Variants in RETSAT observed in about 807,000 individuals in gnomAD.
RETSAT encodes all-trans-retinol 13,14-reductase.
RETSAT carries 35 observed loss-of-function variants against 61.6 expected under a neutral mutation model. The ratio of observed to expected loss-of-function variants is 0.57; its 90% CI spans 0.43 to 0.75. The LOEUF (loss-of-function observed/expected upper bound fraction) is 0.75. Among genes scored for constraint, RETSAT ranks in the 30% least tolerant of loss-of-function variants. RETSAT has a pLI of 0.00. For synonymous variants in RETSAT, 277 were observed against 310.4 expected (o/e 0.89, Z 1.13); for missense variants, 670 against 759.5 (o/e 0.88, Z 1.38).
rs115102182 is a variant in RETSAT at position 85,344,227 on chromosome 2, G to A, written c.1366+12C>T. ...CTCCCTCCACCCCCTCACCCGGGAC[G>A]TGCAGCCCCACCTGGGAATCGGTCC... On this transcript the variant is annotated intron_variant, in intron 8 of 10. Transcript: ENST00000295802. The A allele has an allele frequency of 9.3e-6, 15 of 1,614,086 alleles. No individual in the cohort carries two copies. In the African/African-American group the frequency reaches 1.6e-4, roughly 17 times the overall value.
rs7600799 is a variant in RETSAT at position 85,343,150 on chromosome 2, G to A, written c.*92C>T. On this transcript the variant is annotated 3_prime_UTR_variant, in exon 11 of 11. Transcript: ENST00000295802. ...AGAACCAAATTAGAGTGCTTTATAC[G>A]TGCAAGGAACTAATGCAGAAAGACA... is the stretch of plus-strand genomic sequence containing the variant. 118,854 of 1,531,810 alleles carry A rather than the reference G, an allele frequency of 0.078. 5,795 individuals carry two copies. The highest frequency in any genetic ancestry group is 0.22 in the African/African-American group (15,631 of 72,350). The allele number at this position is 1,531,810 out of a possible 1,614,324, so 94.9% of individuals were successfully genotyped here.
rs771132296 is a variant in RETSAT, at chr2:85,344,226, C to T, written c.1366+13G>A. Reference sequence around the variant, plus strand: ...TCTCCCTCCACCCCCTCACCCGGGACGTGCAGCCCCACCTGGGAATCGGTC... The same window carrying T: ...TCTCCCTCCACCCCCTCACCCGGGATGTGCAGCCCCACCTGGGAATCGGTC... On this transcript the variant is annotated intron_variant, in intron 8 of 10. Transcript: ENST00000295802. The T allele has an allele frequency of 1.1e-5, 18 of 1,613,996 alleles. No individual in the cohort carries two copies. The highest frequency in any genetic ancestry group is 3.3e-5 in the South Asian group (3 of 91,080).
At chr2:85,349,322 C>G in intron 5 of RETSAT, 62 bp downstream of exon 5, 1 of 1,536,328 alleles carries the variant, frequency 6.5e-7, no homozygotes, top group Non-Finnish European at 9.0e-7. Flanking sequence ...CTCAGGGAGA[C>G]CCCAGGTCTC....
Position 85,354,525 on chromosome 2 carries a change from G to A in RETSAT, c.-18C>T. On this transcript the variant is annotated 5_prime_UTR_variant, in exon 1 of 11. Transcript: ENST00000295802. Reference sequence around the variant, plus strand: ...AGCCACATCACGCCGGCGTCGGGTCGGGTAAATGGGACAGCTCCGACTGCG... The same window carrying A: ...AGCCACATCACGCCGGCGTCGGGTCAGGTAAATGGGACAGCTCCGACTGCG... 2 of 1,595,048 alleles carry A rather than the reference G, an allele frequency of 1.3e-6. No individual in the cohort carries two copies. The highest frequency in any genetic ancestry group is 1.7e-6 in the Non-Finnish European group (2 of 1,170,884).
In RETSAT at chr2:85,343,184, A is replaced by G; in HGVS notation, c.*58T>C. ...ACTAATGCAGAAAGACATTATGGGT[A>G]AGTCAAGGGAGATGCCCCAGCCATT... is the stretch of plus-strand genomic sequence containing the variant. On this transcript the variant is annotated 3_prime_UTR_variant, in exon 11 of 11. Coordinates refer to ENST00000295802, the MANE Select transcript of RETSAT (RefSeq NM_017750.4). The G allele has an allele frequency of 1.3e-6, 2 of 1,595,182 alleles. No individual in the cohort carries two copies. Among genetic ancestry groups the G allele is most frequent in the Non-Finnish European group, 1.7e-6 (2 of 1,166,864 alleles).
In RETSAT at chr2:85,345,140, C is replaced by T. The variant is rs569701558; in HGVS notation, c.1118-408G>A. ...CTCTGCCCCTGGGCCATCTCTGCCT[C>T]ACCCCTTCAGCTCCTGAGAGTCTGA... On this transcript the variant is annotated intron_variant, in intron 6 of 10. Transcript: ENST00000295802. Among the ~76,000 whole-genome samples the T allele has an allele frequency of 2.0e-5, 3 of 152,312 alleles. No individual in the cohort carries two copies. In the East Asian group the frequency reaches 5.8e-4, roughly 29 times the overall value.
In RETSAT at chr2:85,344,816, G is replaced by C. The variant is rs1683162165; in HGVS notation, c.1118-84C>G. On this transcript the variant is annotated intron_variant, in intron 6 of 10. Transcript: ENST00000295802. ...CTCCCAGGAGAGCCTTGGGGTGCCAGCTCTGGCACCTGCCTGAGGCATGCC... is the reference window on the plus strand; with the variant it reads ...CTCCCAGGAGAGCCTTGGGGTGCCACCTCTGGCACCTGCCTGAGGCATGCC... 2.0e-5 allele frequency: 30 copies of C among 1,499,218 alleles called. 1 individual carries two copies. In the South Asian group the frequency reaches 3.6e-4, roughly 18 times the overall value. 92.9% of individuals were successfully genotyped at this position (1,499,218 alleles called of 1,614,324 possible).
chr2:85,342,306 C>A lies in RETSAT; in HGVS notation c.*936G>T. On this transcript the variant is annotated 3_prime_UTR_variant, in exon 11 of 11. Coordinates refer to ENST00000295802, the MANE Select transcript of RETSAT (RefSeq NM_017750.4). Reference sequence around the variant, plus strand: ...CACACATTCCGTGGCTTTCCCTTTTCTGATGTGACTTCCCTCCCTTACCCC... The same window carrying A: ...CACACATTCCGTGGCTTTCCCTTTTATGATGTGACTTCCCTCCCTTACCCC... The A allele has an allele frequency of 5.8e-6, 1 of 171,014 alleles. No homozygotes were observed. 10.6% of individuals were successfully genotyped at this position (171,014 alleles called of 1,614,324 possible).
chr2:85,351,164 G>A (rs1683292533), intron 2 of RETSAT, 143 bp from the exon 3 acceptor site: 1 of 988,946 alleles, frequency 1.0e-6, no homozygotes, highest in Non-Finnish European at 1.5e-6. Context: ...TCTGTAGGGA[G>A]GTGTCACAGC....
intron 4 of RETSAT, 83 bp downstream of exon 4, chr2:85,349,957 C>T: frequency 1.5e-6 from 2 of 1,367,432 alleles, no homozygotes; most frequent in South Asian, 1.2e-5. Flanking sequence ...GTCAGCCAGG[C>T]AGGGTCGAGA....
Position 85,343,732 on chromosome 2 carries a change from A to G in RETSAT, c.1600T>C (p.Cys534Arg), listed in dbSNP as rs1273102584. Reference protein sequence around the residue: ...QFYLAAPRGACYGADHDLGRL... With the variant: ...QFYLAAPRGARYGADHDLGRL... ...CCCAGGTCATGGTCAGCCCCGTAGC[A>G]GGCACCTCGGGGAGCAGCCAGATAG... The change falls in exon 10 of 11, where the codon TGC becomes CGC. Residue 534 changes from cysteine to arginine, a missense_variant. Coordinates refer to ENST00000295802, the MANE Select transcript of RETSAT (RefSeq NM_017750.4). 1 of 1,614,064 alleles carries G rather than the reference A, an allele frequency of 6.2e-7. No homozygotes were observed. Among genetic ancestry groups the G allele is most frequent in the Admixed American group, 1.7e-5 (1 of 60,012 alleles).
intron 5 of RETSAT, among the ~76,000 whole-genome samples, chr2:85,349,031 G>A (rs1259155198): frequency 6.6e-6 from 1 of 150,694 alleles, no homozygotes; most frequent in African/African-American, 2.4e-5. Context: ...TTACAGACGT[G>A]AGCCACCATG....
intron 7 of RETSAT, 88 bp downstream of exon 7, chr2:85,344,506 A>G: frequency 3.2e-6 from 5 of 1,570,288 alleles, no homozygotes; most frequent in South Asian, 1.2e-5. Flanking sequence ...GAAATTGCCT[A>G]CTTCCTCCCA....
intron 6 of RETSAT, 68 bp downstream of exon 6, chr2:85,345,907 G>C (rs771089750): frequency 1.7e-5 from 28 of 1,605,754 alleles, no homozygotes; most frequent in Middle Eastern, 1.6e-4. Context: ...CCCACACGGA[G>C]CAGGTTGGCT....
chr2:85,346,205 C>A, intron 5 of RETSAT, 111 bp from the exon 6 acceptor site: 1 of 1,424,956 alleles, frequency 7.0e-7, no homozygotes, highest in Non-Finnish European at 9.5e-7. Flanking sequence ...ACCTTGGAGT[C>A]CAGCTACCTA....
intron 5 of RETSAT, among the ~76,000 whole-genome samples, chr2:85,346,747 G>A (rs1045617842): frequency 2.6e-5 from 4 of 152,072 alleles, no homozygotes; most frequent in Admixed American, 6.5e-5. Context: ...GAGTGAGACC[G>A]TGTATCTAAA....
Position 85,343,277 on chromosome 2 carries a change from C to G in RETSAT, c.1798G>C (p.Asp600His), listed in dbSNP as rs1436770536. ...TTCTTCTGTGCCCGGATCCTAGAATCAAGATTCTTAAGGTCTGAGTACAAG... is the reference window on the plus strand; with the variant it reads ...TTCTTCTGTGCCCGGATCCTAGAATGAAGATTCTTAAGGTCTGAGTACAAG... The part of the protein sequence containing the change: ...RNLYSDLKNL[D>H]SRIRAQKKKN The change falls in exon 11 of 11, where the codon GAT (aspartate) becomes CAT (histidine). Residue 600 changes from aspartate (D) to histidine (H), a missense_variant. Physicochemically the swap from Asp to His is moderately conservative, Grantham distance 81. Coordinates refer to ENST00000295802, the MANE Select transcript of RETSAT (RefSeq NM_017750.4). 3.7e-6 allele frequency: 6 copies of G among 1,614,158 alleles called. No homozygotes were observed. Among genetic ancestry groups the G allele is most frequent in the South Asian group, 1.1e-5 (1 of 91,086 alleles).
In RETSAT at chr2:85,354,463, G is replaced by C. The variant is rs79796752; in HGVS notation, c.45C>G (p.Ala15=). 6.2e-7 allele frequency: 1 copy of C among 1,613,994 alleles called. No individual in the cohort carries two copies. Among genetic ancestry groups the C allele is most frequent in the Admixed American group, 1.7e-5 (1 of 60,000 alleles). ...GTCCCAAGTAAACTTTGCAGAGGAC[G>C]GCCAGCAGCAGCACAGCCAGGAGCA... ...LVLLLAVLLL[A]VLCKVYLGLF... is the part of the protein sequence containing the mutation. Residue 15 remains alanine, a synonymous_variant, in exon 1 of 11, where the codon GCC becomes GCG. Coordinates refer to ENST00000295802, the MANE Select transcript of RETSAT (RefSeq NM_017750.4).
intron 6 of RETSAT, chr2:85,345,716 G>T: frequency 1.7e-6 from 1 of 586,574 alleles, no homozygotes; most frequent in Non-Finnish European, 3.2e-6. Context: ...TTTCAAATCA[G>T]ACCAGCTACT....
Sources: allele counts gnomAD v4.1 joint callset (sites outside exome capture counted in the v4.1 genomes callset), GRCh38; gene constraint gnomAD v4.1.1; transcripts MANE v1.5; gene names NCBI Gene and HGNC (gene_info 2026-07-23, HGNC 2026-07-21).